Variants in EML6 observed in about 807,000 individuals in gnomAD.
EML6 encodes EMAP like 6.
In EML6, 154 loss-of-function variants were observed where a neutral mutation model predicts 240.1. The ratio of observed to expected loss-of-function variants is 0.64; its 90% confidence interval spans 0.56 to 0.73. The LOEUF (loss-of-function observed/expected upper bound fraction) is 0.73, where lower values mean the gene tolerates loss of function less well. Ranked by LOEUF, EML6 falls within the 30% of genes least tolerant of loss-of-function variation. The probability of loss-of-function intolerance (pLI) is 0.00; values close to 1 mark genes in which losing one functional copy is unlikely to be tolerated. For synonymous variants in EML6, 1,148 were observed against 899.0 expected (o/e 1.28, Z -4.95); for missense variants, 2,964 against 2,474.6 (o/e 1.20, Z -4.20).
At chr2:54,914,647 A>G (rs956856162) in intron 25 of EML6, among the ~76,000 whole-genome samples, 2 of 152,128 alleles carry the variant, frequency 1.3e-5, no homozygotes, top group Non-Finnish European at 2.9e-5. Context: ...AGTCCTTCCA[A>G]CTGATGCTTT....
chr2:54,850,244 T>A, intron 10 of EML6, 26 bp downstream of exon 10: 1 of 1,540,958 alleles, frequency 6.5e-7, no homozygotes, highest in Non-Finnish European at 8.8e-7. Flanking sequence ...GCCTTGGATG[T>A]TTCTGGAAAG....
At chr2:54,765,885 C>T (rs1558533956) in intron 2 of EML6, among the ~76,000 whole-genome samples, 1 of 152,050 alleles carries the variant, frequency 6.6e-6, no homozygotes, top group Non-Finnish European at 1.5e-5. Flanking sequence ...TATTTTGAAG[C>T]AATTTTAGAC....
At chr2:54,952,151 A>G (rs1676012549) in intron 30 of EML6, among the ~76,000 whole-genome samples, 2 of 152,172 alleles carry the variant, frequency 1.3e-5, no homozygotes, top group South Asian at 4.1e-4. Context: ...CATATTCCAC[A>G]TGAAGAAGTG....
chr2:54,932,180 C>T (rs1048856558), intron 28 of EML6, among the ~76,000 whole-genome samples: 1 of 152,178 alleles, frequency 6.6e-6, no homozygotes, highest in Non-Finnish European at 1.5e-5. Flanking sequence ...CTACACCTAC[C>T]AGATATGTAA....
At position 54,847,634 on chromosome 2, in the gene EML6, A is replaced by C. The variant is rs1669836909; in HGVS notation, c.1187+11A>C. 1.3e-6 allele frequency: 2 copies of C among 1,551,394 alleles called. No homozygotes were observed. Among genetic ancestry groups the C allele is most frequent in the Admixed American group, 3.9e-5 (2 of 50,958 alleles). On this transcript the variant is annotated intron_variant, in intron 9 of 41. Transcript: ENST00000356458. ...TGTTCTCCGAGTCAGGCACGTACTGATGTTGAAAATGGTATTTAGAAATGC... is the reference window on the plus strand; with the variant it reads ...TGTTCTCCGAGTCAGGCACGTACTGCTGTTGAAAATGGTATTTAGAAATGC...
intron 26 of EML6, among the ~76,000 whole-genome samples, chr2:54,921,631 A>C (rs1046039766): frequency 3.3e-5 from 5 of 152,152 alleles, no homozygotes; most frequent in African/African-American, 1.2e-4. Context: ...AAGCAATCCC[A>C]AGAAAGAATA....
At chr2:54,800,585 C>A (rs186004734) in intron 2 of EML6, among the ~76,000 whole-genome samples, 1 of 152,088 alleles carries the variant, frequency 6.6e-6, no homozygotes, top group Non-Finnish European at 1.5e-5. Flanking sequence ...AAAGATATAA[C>A]GGCACCCTCC....
chr2:54,828,723 C>A (rs1456140187), intron 6 of EML6, among the ~76,000 whole-genome samples: 1 of 152,200 alleles, frequency 6.6e-6, no homozygotes, highest in Non-Finnish European at 1.5e-5. Context: ...CTTATGTCAA[C>A]ATTATATTCT....
chr2:54,893,913 A>C (rs1172971252), intron 19 of EML6, among the ~76,000 whole-genome samples: 1 of 152,206 alleles, frequency 6.6e-6, no homozygotes, highest in Non-Finnish European at 1.5e-5. Context: ...AGATTAAAGA[A>C]GAAGAAAGAA....
intron 2 of EML6, among the ~76,000 whole-genome samples, chr2:54,787,515 TAA>T (rs963370625): frequency 8.5e-5 from 13 of 152,240 alleles, no homozygotes; most frequent in African/African-American, 1.7e-4. Flanking sequence ...TAAAGAGAGA[TAA>T]GTTTGTTTAT....
chr2:54,731,495 G>T (rs1272084390), intron 2 of EML6, among the ~76,000 whole-genome samples: 3 of 152,076 alleles, frequency 2.0e-5, no homozygotes, highest in Admixed American at 6.6e-5. Context: ...AAAAAATTTA[G>T]CCAGGCATGG....
chr2:54,934,970 T>G (rs1675063618), intron 28 of EML6, among the ~76,000 whole-genome samples: 1 of 152,208 alleles, frequency 6.6e-6, no homozygotes, highest in Non-Finnish European at 1.5e-5. Flanking sequence ...CTGCCCTCAT[T>G]TTTGGTGATA....
At chr2:54,748,340 G>A (rs1684011114) in intron 2 of EML6, 1 of 152,098 alleles carries the variant, frequency 6.6e-6, no homozygotes, top group Non-Finnish European at 1.5e-5. Flanking sequence ...GTTATTAAAA[G>A]CTGTCTTCTA....
chr2:54,918,670 C>T (rs190108960), intron 26 of EML6, among the ~76,000 whole-genome samples: 12 of 152,288 alleles, frequency 7.9e-5, no homozygotes, highest in Admixed American at 5.2e-4. Context: ...TTAATCTACA[C>T]GTTGTAACAA....
chr2:54,781,359 G>A (rs1356794158), intron 2 of EML6, among the ~76,000 whole-genome samples: 1 of 152,122 alleles, frequency 6.6e-6, no homozygotes, highest in Non-Finnish European at 1.5e-5. Flanking sequence ...AAGTGATTCA[G>A]GTAAGAAGAT....
chr2:54,844,013 G>A, intron 7 of EML6, 34 bp from the exon 8 acceptor site: 3 of 1,059,912 alleles, frequency 2.8e-6, no homozygotes, highest in Non-Finnish European at 4.1e-6. Flanking sequence ...TGAATAGTGT[G>A]AAGATTTGCT....
intron 11 of EML6, 67 bp from the exon 12 acceptor site, chr2:54,859,467 G>A (rs1171537242): frequency 1.7e-6 from 2 of 1,211,188 alleles, no homozygotes; most frequent in Admixed American, 2.4e-5. Flanking sequence ...GAACAGAAGG[G>A]GGGTTGTTTT....
At chr2:54,786,735 C>A (rs143525867) in intron 2 of EML6, among the ~76,000 whole-genome samples, 1 of 152,276 alleles carries the variant, frequency 6.6e-6, no homozygotes, top group African/African-American at 2.4e-5. Context: ...CTCGAGTTTC[C>A]ATGTTGAATC....
chr2:54,927,841 C>T (rs1674637666), intron 26 of EML6, among the ~76,000 whole-genome samples: 3 of 152,266 alleles, frequency 2.0e-5, no homozygotes, highest in Admixed American at 2.0e-4. Context: ...GTTCATTTTA[C>T]ATCTTACTTG....
Sources: gnomAD v4.1 joint callset for allele counts (sites outside exome capture counted in the v4.1 genomes callset) on GRCh38, gnomAD v4.1.1 for gene constraint, MANE v1.5 for transcripts, NCBI Gene and HGNC (gene_info 2026-07-23, HGNC 2026-07-21) for gene names.